HMBOX1: variants seen among roughly 807,000 people sequenced by gnomAD.
The protein encoded by HMBOX1 is homeobox containing 1, also known as homeobox-containing protein 1.
Under a neutral mutation model 54.5 loss-of-function variants are expected in HMBOX1, and 14 were observed. The observed-to-expected ratio is 0.26, with a 90% CI of 0.17 to 0.40. The LOEUF (loss-of-function observed/expected upper bound fraction) is 0.40, where lower values mean the gene tolerates loss of function less well. HMBOX1 is among the 10% of genes least tolerant of loss of function. HMBOX1 has a pLI of 1.00. For synonymous variants in HMBOX1, 160 were observed against 181.0 expected (o/e 0.88, Z 0.93); for missense variants, 332 against 514.4 (o/e 0.65, Z 3.43).
At chr8:29,022,345 G>A (rs1166957146) in intron 6 of HMBOX1, among the ~76,000 whole-genome samples, 2 of 152,146 alleles carry the variant, frequency 1.3e-5, no homozygotes, top group Non-Finnish European at 2.9e-5. Flanking sequence ...TTGAGCCCAG[G>A]AGTTTGAAGC....
chr8:28,913,273 C>G (rs751447365), intron 1 of HMBOX1, among the ~76,000 whole-genome samples: 7 of 152,208 alleles, frequency 4.6e-5, no homozygotes, highest in Non-Finnish European at 8.8e-5. Flanking sequence ...GTAAGACTCT[C>G]CAACATATTT....
chr8:28,987,884 C>T (rs940272200), intron 4 of HMBOX1, among the ~76,000 whole-genome samples: 2 of 152,160 alleles, frequency 1.3e-5, no homozygotes, highest in Non-Finnish European at 2.9e-5. Flanking sequence ...ATTTGATTCT[C>T]ACAAAATAAA....
chr8:29,015,381 C>T (rs1421867832), intron 5 of HMBOX1, among the ~76,000 whole-genome samples: 1 of 152,194 alleles, frequency 6.6e-6, no homozygotes, highest in Non-Finnish European at 1.5e-5. Context: ...AGCCCCTGGA[C>T]AAGAGGTTGT....
intron 6 of HMBOX1, among the ~76,000 whole-genome samples, chr8:29,037,602 C>G (rs1338714297): frequency 6.6e-6 from 1 of 152,094 alleles, no homozygotes; most frequent in Non-Finnish European, 1.5e-5. Context: ...TCTTTTTAAA[C>G]AAAAGATGGT....
intron 1 of HMBOX1, among the ~76,000 whole-genome samples, chr8:28,950,468 G>A (rs181280124): frequency 8.0e-4 from 122 of 152,332 alleles, no homozygotes; most frequent in African/African-American, 2.7e-3. Context: ...TGACCCCATG[G>A]GAGTAGAGCA....
chr8:28,984,589 CT>C (rs1829901259), intron 4 of HMBOX1, among the ~76,000 whole-genome samples: 1 of 152,180 alleles, frequency 6.6e-6, no homozygotes, highest in African/African-American at 2.4e-5. Flanking sequence ...TTTGTAGCTT[CT>C]TTCACAGTCG....
intron 4 of HMBOX1, among the ~76,000 whole-genome samples, chr8:28,982,839 G>T (rs184667447): frequency 3.8e-4 from 58 of 152,202 alleles, no homozygotes; most frequent in Non-Finnish European, 7.8e-4. Flanking sequence ...GGCCAGGCTG[G>T]TGTCGAACTC....
chr8:28,956,384 T>C (rs1297926247), intron 1 of HMBOX1, among the ~76,000 whole-genome samples: 1 of 152,136 alleles, frequency 6.6e-6, no homozygotes, highest in Non-Finnish European at 1.5e-5. Flanking sequence ...TTCTGGTCTT[T>C]GTTAAGCATA....
In HMBOX1 at chr8:28,970,399, C is replaced by T. The variant is rs1450465797; in HGVS notation, c.380C>T (p.Thr127Ile). The change falls in exon 3 of 10, where the codon ACA (threonine) becomes ATA (isoleucine). Residue 127 changes from threonine to isoleucine, a missense_variant. Thr to Ile is a moderately conservative substitution (Grantham distance 89). Transcript: ENST00000287701. The surrounding 1 kb of genome is among the most constrained non-coding windows in gnomAD (Gnocchi z 4.3). ...AGGGAGAATAATGAGCGATTATCTA[C>T]ATCCAATGGAAAGATGTCACCAACT... is the stretch of plus-strand genomic sequence containing the variant. ...NGRENNERLS[T>I]SNGKMSPTRY... 3.7e-6 allele frequency: 6 copies of T among 1,613,966 alleles called. No homozygotes were observed. The Admixed American group carries it at 8.3e-5, about 22-fold the overall frequency.
intron 7 of HMBOX1, among the ~76,000 whole-genome samples, chr8:29,046,007 G>A (rs1805512959): frequency 6.6e-6 from 1 of 152,110 alleles, no homozygotes; most frequent in Non-Finnish European, 1.5e-5. Context: ...TATTTCAAAT[G>A]TATTTTCTTC....
At chr8:28,912,015 T>C (rs1190792313) in intron 1 of HMBOX1, among the ~76,000 whole-genome samples, 1 of 152,202 alleles carries the variant, frequency 6.6e-6, no homozygotes, top group African/African-American at 2.4e-5. Context: ...TATGCTACCT[T>C]TTCACAATGC....
chr8:28,898,217 G>C (rs1812533376), intron 1 of HMBOX1, among the ~76,000 whole-genome samples: 1 of 142,518 alleles, frequency 7.0e-6, no homozygotes, highest in African/African-American at 2.6e-5. Flanking sequence ...TTTTTCATTT[G>C]TCAATACTGT....
At chr8:28,976,179 TATATG>T (rs770988969) in intron 3 of HMBOX1, among the ~76,000 whole-genome samples, 1 of 152,232 alleles carries the variant, frequency 6.6e-6, no homozygotes, top group African/African-American at 2.4e-5. Context: ...ACTTTGGTCT[TATATG>T]ATTACAGCAG....
At chr8:28,988,371 G>A (rs897779643) in intron 4 of HMBOX1, among the ~76,000 whole-genome samples, 3 of 152,206 alleles carry the variant, frequency 2.0e-5, no homozygotes, top group Non-Finnish European at 4.4e-5. Context: ...TGACTATTTT[G>A]AACTAAGCTG....
At chr8:29,026,540 A>T (rs959587375) in intron 6 of HMBOX1, among the ~76,000 whole-genome samples, 1 of 152,146 alleles carries the variant, frequency 6.6e-6, no homozygotes, top group African/African-American at 2.4e-5. Flanking sequence ...AAGCTGCTTT[A>T]AAAAAAGGCA....
At chr8:28,923,060 A>G (rs1344246267) in intron 1 of HMBOX1, among the ~76,000 whole-genome samples, 1 of 152,244 alleles carries the variant, frequency 6.6e-6, no homozygotes, top group African/African-American at 2.4e-5. Context: ...AATGAGTACA[A>G]TTCAGTGACA....
chr8:28,937,431 A>G (rs947470370), intron 1 of HMBOX1, among the ~76,000 whole-genome samples: 4 of 152,212 alleles, frequency 2.6e-5, no homozygotes, highest in African/African-American at 9.6e-5. Context: ...TTTCTGTATG[A>G]CATGGAATTC....
rs374812595 is a variant in HMBOX1 at position 28,921,445 on chromosome 8, A to G, written c.-58+30767A>G. Reference sequence around the variant, plus strand: ...GTTTGTCATGTAGTGAATATACTGTATAAAGGAAACCTGTAGACTTGAGAA... The same window carrying G: ...GTTTGTCATGTAGTGAATATACTGTGTAAAGGAAACCTGTAGACTTGAGAA... On this transcript the variant is annotated intron_variant, in intron 1 of 9. Coordinates refer to ENST00000287701, the MANE Select transcript of HMBOX1 (RefSeq NM_001135726.3). Among the ~76,000 whole-genome samples, 18 of 152,378 alleles carry G rather than the reference A, an allele frequency of 1.2e-4. No individual in the cohort carries two copies. The East Asian group carries it at 2.7e-3, about 23-fold the overall frequency.
chr8:28,987,483 C>G (rs868474885), intron 4 of HMBOX1, among the ~76,000 whole-genome samples: 2 of 152,126 alleles, frequency 1.3e-5, no homozygotes, highest in East Asian at 3.8e-4. Context: ...CAGCTGTAGT[C>G]TGTTAGTCTT....
Sources: gnomAD v4.1 joint callset for allele counts (sites outside exome capture counted in the v4.1 genomes callset) on GRCh38, gnomAD v4.1.1 for gene constraint, Gnocchi (gnomAD v3.1) non-coding constraint, MANE v1.5 for transcripts, NCBI Gene and HGNC (gene_info 2026-07-23, HGNC 2026-07-21) for gene names.